SLC9A9: variants seen among roughly 807,000 people sequenced by gnomAD.
SLC9A9 encodes the protein sodium/hydrogen exchanger 9.
In SLC9A9, 62 loss-of-function variants were observed where a neutral mutation model predicts 77.8. The observed-to-expected ratio is 0.80, with a 90% CI of 0.65 to 0.98. The LOEUF is 0.98. Ranked by LOEUF, SLC9A9 falls within the 50% of genes least tolerant of loss-of-function variation. The pLI, the probability that SLC9A9 is intolerant of heterozygous loss-of-function variation, is 0.00. For synonymous variants in SLC9A9, 320 were observed against 283.5 expected, an observed-to-expected ratio of 1.13 and a Z score of -1.29; for missense variants, 775 against 774.9, an observed-to-expected ratio of 1.00 and a Z score of 0.00.
chr3:143,501,323 A>G (rs1051435677), intron 9 of SLC9A9, among the ~76,000 whole-genome samples: 1 of 150,890 alleles, frequency 6.6e-6, no homozygotes, highest in Admixed American at 6.6e-5. Context: ...CTAGCTGAGT[A>G]TTAACATGTA....
chr3:143,685,052 C>A (rs1933220046), intron 5 of SLC9A9, among the ~76,000 whole-genome samples: 1 of 151,956 alleles, frequency 6.6e-6, no homozygotes, highest in Non-Finnish European at 1.5e-5. Flanking sequence ...TTCCATATAT[C>A]TTTATAGCAG....
At chr3:143,738,358 A>T (rs757154578) in intron 4 of SLC9A9, among the ~76,000 whole-genome samples, 2 of 152,178 alleles carry the variant, frequency 1.3e-5, no homozygotes, top group African/African-American at 4.8e-5. Flanking sequence ...GGACACTGAT[A>T]TAAAATCTAG....
chr3:143,820,690 T>C (rs1264120016), intron 2 of SLC9A9, among the ~76,000 whole-genome samples: 1 of 152,206 alleles, frequency 6.6e-6, no homozygotes, highest in Non-Finnish European at 1.5e-5. Flanking sequence ...GAGAAGAGCC[T>C]GGTCCTGCGT....
intron 14 of SLC9A9, among the ~76,000 whole-genome samples, chr3:143,355,625 G>C (rs1392933673): frequency 6.6e-6 from 1 of 152,154 alleles, no homozygotes; most frequent in Non-Finnish European, 1.5e-5. Flanking sequence ...TTATACCATA[G>C]ATGTGTTCCT....
chr3:143,730,100 A>T (rs1934762069), intron 4 of SLC9A9, among the ~76,000 whole-genome samples: 1 of 152,230 alleles, frequency 6.6e-6, no homozygotes. Context: ...ATTGAAGTGC[A>T]CATGTCAAGG....
chr3:143,816,093 C>T (rs369407165), intron 2 of SLC9A9, among the ~76,000 whole-genome samples: 58 of 152,322 alleles, frequency 3.8e-4, no homozygotes, highest in African/African-American at 1.0e-3. Flanking sequence ...TCTTCTCACC[C>T]AGCCCCAGAA....
chr3:143,632,451 G>A (rs982082744), intron 6 of SLC9A9, among the ~76,000 whole-genome samples: 1 of 151,942 alleles, frequency 6.6e-6, no homozygotes, highest in South Asian at 2.1e-4. Context: ...TGAACCTGAG[G>A]CACTTTTTGA....
chr3:143,428,598 T>G (rs950577299), intron 12 of SLC9A9, among the ~76,000 whole-genome samples: 1 of 152,176 alleles, frequency 6.6e-6, no homozygotes, highest in Non-Finnish European at 1.5e-5. Flanking sequence ...TGTATCCAAA[T>G]GAAATGAAAT....
At chr3:143,605,544 C>T (rs1475572194) in intron 6 of SLC9A9, among the ~76,000 whole-genome samples, 4 of 152,164 alleles carry the variant, frequency 2.6e-5, no homozygotes, top group African/African-American at 9.7e-5. Flanking sequence ...TAAAATTTGC[C>T]AATTTTTAAA....
intron 4 of SLC9A9, among the ~76,000 whole-genome samples, chr3:143,694,524 T>A (rs752625681): frequency 2.0e-5 from 3 of 152,198 alleles, no homozygotes; most frequent in Non-Finnish European, 2.9e-5. Context: ...AGGTAACATT[T>A]ACTTACCATT....
At chr3:143,699,798 C>T (rs1933743680) in intron 4 of SLC9A9, among the ~76,000 whole-genome samples, 3 of 152,110 alleles carry the variant, frequency 2.0e-5, no homozygotes, top group South Asian at 4.1e-4. Flanking sequence ...CAGTGCTGAA[C>T]TGGGCTCAGA....
intron 5 of SLC9A9, among the ~76,000 whole-genome samples, chr3:143,676,148 G>T (rs1183362335): frequency 6.6e-6 from 1 of 152,060 alleles, no homozygotes; most frequent in Non-Finnish European, 1.5e-5. Flanking sequence ...TAATGCTGCC[G>T]CTGATCTGAC....
chr3:143,372,741 G>T (rs541640651), intron 13 of SLC9A9, among the ~76,000 whole-genome samples: 24 of 152,110 alleles, frequency 1.6e-4, no homozygotes, highest in African/African-American at 5.5e-4. Context: ...GAATCTATAA[G>T]GAACTCAAAC....
At chr3:143,612,366 T>C (rs2108700638) in intron 6 of SLC9A9, among the ~76,000 whole-genome samples, 1 of 152,330 alleles carries the variant, frequency 6.6e-6, no homozygotes, top group East Asian at 1.9e-4. Context: ...CCAAACTCCA[T>C]GCAATCCTAG....
At chr3:143,754,321 TCTG>T (rs1410097827) in intron 4 of SLC9A9, among the ~76,000 whole-genome samples, 5 of 152,246 alleles carry the variant, frequency 3.3e-5, no homozygotes, top group African/African-American at 1.2e-4. Context: ...GGACTTTTAT[TCTG>T]CTTTTATCCC....
chr3:143,531,528 T>A (rs2108621818), intron 9 of SLC9A9, among the ~76,000 whole-genome samples: 1 of 152,324 alleles, frequency 6.6e-6, no homozygotes, highest in South Asian at 2.1e-4. Flanking sequence ...AAGTTTGTCT[T>A]AAAAACCTTT....
chr3:143,357,183 CTT>C (rs35073380), intron 14 of SLC9A9, among the ~76,000 whole-genome samples: 25,054 of 152,100 alleles, frequency 0.16, 2,282 homozygotes, highest in Middle Eastern at 0.24. Flanking sequence ...GTGGAGTTAT[CTT>C]TACATTTTGC....
intron 6 of SLC9A9, among the ~76,000 whole-genome samples, chr3:143,650,491 T>C (rs1373152774): frequency 4.6e-5 from 7 of 152,184 alleles, no homozygotes; most frequent in African/African-American, 1.2e-4. Context: ...CAGACAGCAC[T>C]GGTAGACAGC....
At chr3:143,454,537 C>T (rs572538024) in intron 12 of SLC9A9, among the ~76,000 whole-genome samples, 3 of 152,162 alleles carry the variant, frequency 2.0e-5, no homozygotes, top group Admixed American at 6.5e-5. Context: ...TTTTGGCCTA[C>T]GGATATTGTA....
Sources: gnomAD v4.1 joint callset for allele counts (sites outside exome capture counted in the v4.1 genomes callset) on GRCh38, gnomAD v4.1.1 for gene constraint, MANE v1.5 for transcripts, NCBI Gene and HGNC (gene_info 2026-07-23, HGNC 2026-07-21) for gene names.